Variants in LDLRAD4 observed in about 807,000 individuals in gnomAD.
The protein encoded by LDLRAD4 is low density lipoprotein receptor class A domain containing 4.
LDLRAD4 carries 5 observed loss-of-function variants against 17.0 expected under a neutral mutation model. That is an observed-to-expected ratio of 0.29 (90% CI 0.15 to 0.62). The LOEUF is 0.62. Ranked by LOEUF, LDLRAD4 falls within the 20% of genes least tolerant of loss-of-function variation. The probability of loss-of-function intolerance (pLI) is 0.84; values close to 1 mark genes in which losing one functional copy is unlikely to be tolerated. For synonymous variants in LDLRAD4, 168 were observed against 171.8 expected, an observed-to-expected ratio of 0.98 and a Z score of 0.17; for missense variants, 340 against 424.7, an observed-to-expected ratio of 0.80 and a Z score of 1.75.
chr18:13,415,526 G>T (rs1312338333), intron 2 of LDLRAD4, among the ~76,000 whole-genome samples: 1 of 152,176 alleles, frequency 6.6e-6, no homozygotes, highest in East Asian at 1.9e-4. Context: ...TGGTTGTATA[G>T]GCAGACTTGT....
chr18:13,491,901 G>A (rs942602158), intron 3 of LDLRAD4, among the ~76,000 whole-genome samples: 48 of 152,282 alleles, frequency 3.2e-4, no homozygotes, highest in African/African-American at 1.1e-3. Flanking sequence ...CCACCGGGAG[G>A]CTTGCATGAA....
chr18:13,487,254 G>A (rs2147045808), intron 3 of LDLRAD4: 1 of 152,344 alleles, frequency 6.6e-6, no homozygotes, highest in East Asian at 1.9e-4. Context: ...GAAGAGCAGT[G>A]GGCCAGGTTA....
At chr18:13,483,664 C>T (rs577060425) in intron 3 of LDLRAD4, among the ~76,000 whole-genome samples, 3 of 152,296 alleles carry the variant, frequency 2.0e-5, no homozygotes, top group East Asian at 3.9e-4. Context: ...AGATACTGTG[C>T]GTGTTGTATC....
chr18:13,306,558 C>T (rs2046927724), intron 1 of LDLRAD4, among the ~76,000 whole-genome samples: 1 of 152,168 alleles, frequency 6.6e-6, no homozygotes. Flanking sequence ...ACCTTTAAGG[C>T]TCATTACACA....
At chr18:13,551,345 C>T (rs1295918994) in intron 3 of LDLRAD4, among the ~76,000 whole-genome samples, 4 of 152,092 alleles carry the variant, frequency 2.6e-5, no homozygotes, top group Admixed American at 1.3e-4. Context: ...TGTGTCCTAC[C>T]GAGGATCTGT....
At chr18:13,304,436 T>A (rs1256027998) in intron 1 of LDLRAD4, among the ~76,000 whole-genome samples, 1 of 152,204 alleles carries the variant, frequency 6.6e-6, no homozygotes. Context: ...TCTGTATCTC[T>A]GTGTTGGGCC....
chr18:13,375,627 AG>A (rs2084848747), intron 1 of LDLRAD4, among the ~76,000 whole-genome samples: 1 of 152,204 alleles, frequency 6.6e-6, no homozygotes, highest in African/African-American at 2.4e-5. Flanking sequence ...GAAGATGAAA[AG>A]CTAAATTCTA....
In LDLRAD4 at chr18:13,387,505, G is replaced by A. The variant is rs1267821116; in HGVS notation, c.-218G>A. ...CATGGCCTCCGCGCCCTGGCTGGAC[G>A]GCTGACGGGAGCAGGGACCGCCGCC... On this transcript the variant is annotated 5_prime_UTR_variant, in exon 2 of 6. Coordinates refer to ENST00000359446, the Ensembl canonical transcript of LDLRAD4. 4 of 494,076 alleles carry A rather than the reference G, an allele frequency of 8.1e-6. No individual in the cohort carries two copies. In the South Asian group the frequency reaches 8.9e-5, roughly 11 times the overall value. 30.6% of individuals were successfully genotyped at this position (494,076 alleles called of 1,614,324 possible). A position where few individuals can be genotyped will look rare whatever the true frequency, so the allele number is the denominator to read the frequency against.
chr18:13,261,646 C>T (rs962654554), intron 1 of LDLRAD4, among the ~76,000 whole-genome samples: 1 of 151,974 alleles, frequency 6.6e-6, no homozygotes, highest in South Asian at 2.1e-4. Flanking sequence ...CGGTTAGAAA[C>T]GTAGAGGTTG....
chr18:13,463,652 C>T (rs1040188437), intron 3 of LDLRAD4, among the ~76,000 whole-genome samples: 2 of 152,128 alleles, frequency 1.3e-5, no homozygotes, highest in African/African-American at 4.8e-5. Context: ...GAGTAACTAA[C>T]GGCAGGTGAC....
At chr18:13,424,788 G>T (rs2089794233) in intron 2 of LDLRAD4, among the ~76,000 whole-genome samples, 1 of 152,224 alleles carries the variant, frequency 6.6e-6, no homozygotes, top group South Asian at 2.1e-4. Flanking sequence ...AAGGTGCAGT[G>T]ATGGGAAGCC....
intron 1 of LDLRAD4, among the ~76,000 whole-genome samples, chr18:13,269,235 C>CT (rs2044385691): frequency 6.6e-6 from 1 of 152,216 alleles, no homozygotes; most frequent in South Asian, 2.1e-4. Flanking sequence ...CATGTCCAAA[C>CT]TTTAACTAGT....
intron 3 of LDLRAD4, among the ~76,000 whole-genome samples, chr18:13,569,340 C>T (rs1332750506): frequency 6.6e-6 from 1 of 152,210 alleles, no homozygotes; most frequent in African/African-American, 2.4e-5. Context: ...GAATAAAACA[C>T]TCTCTGTACT....
At chr18:13,284,786 C>T (rs543896935) in intron 1 of LDLRAD4, among the ~76,000 whole-genome samples, 10 of 152,320 alleles carry the variant, frequency 6.6e-5, no homozygotes, top group East Asian at 1.9e-4. Context: ...CGAGGCCACC[C>T]GGATGAGCTG....
chr18:13,378,423 T>C (rs2085089565), intron 1 of LDLRAD4, among the ~76,000 whole-genome samples: 1 of 152,072 alleles, frequency 6.6e-6, no homozygotes, highest in Non-Finnish European at 1.5e-5. Flanking sequence ...GCTTGAGAGG[T>C]GCATGTGAAG....
At chr18:13,491,495 T>C (rs183977175) in intron 3 of LDLRAD4, 1 of 152,352 alleles carries the variant, frequency 6.6e-6, no homozygotes, top group East Asian at 1.9e-4. Context: ...ACTTATTTCT[T>C]TTTGAGATAC....
At chr18:13,422,710 C>A (rs1002837927) in intron 2 of LDLRAD4, among the ~76,000 whole-genome samples, 7 of 152,192 alleles carry the variant, frequency 4.6e-5, no homozygotes, top group Non-Finnish European at 7.4e-5. Context: ...AAAACAAAAC[C>A]AAACCAACAC....
At chr18:13,329,956 C>T (rs1020282339) in intron 1 of LDLRAD4, among the ~76,000 whole-genome samples, 3 of 149,484 alleles carry the variant, frequency 2.0e-5, no homozygotes, top group Admixed American at 1.4e-4. Context: ...CTTCCACTCC[C>T]TCCAATTTTT....
At chr18:13,643,328 C>A in intron 4 of LDLRAD4, 31 bp from the exon 6 acceptor site, 1 of 1,427,250 alleles carries the variant, frequency 7.0e-7, no homozygotes, top group Non-Finnish European at 9.4e-7. Flanking sequence ...TTTCTTGTTC[C>A]CCCCACTCTC....
Sources: allele counts gnomAD v4.1 joint callset (sites outside exome capture counted in the v4.1 genomes callset), GRCh38; gene constraint gnomAD v4.1.1; transcripts MANE v1.5; gene names NCBI Gene and HGNC (gene_info 2026-07-23, HGNC 2026-07-21).